NFIA: variants seen among roughly 807,000 people sequenced by gnomAD.
NFIA encodes the protein nuclear factor I A, also known as nuclear factor 1 A-type.
Under a neutral mutation model 62.8 loss-of-function variants are expected in NFIA, and 8 were observed. The observed-to-expected ratio is 0.13, with a 90% confidence interval of 0.07 to 0.23. The LOEUF (loss-of-function observed/expected upper bound fraction) is 0.23. Among genes scored for constraint, NFIA ranks in the 10% least tolerant of loss-of-function variants. The pLI is 1.00. For synonymous variants in NFIA, 235 were observed against 238.1 expected (o/e 0.99, Z 0.12); for missense variants, 410 against 642.1 (o/e 0.64, Z 3.91).
At chr1:61,215,196 G>A (rs1653537624) in intron 2 of NFIA, among the ~76,000 whole-genome samples, 1 of 152,012 alleles carries the variant, frequency 6.6e-6, no homozygotes, top group Non-Finnish European at 1.5e-5. Flanking sequence ...CTTCAATATT[G>A]TCGAACTGCT....
At chr1:61,307,693 C>G (rs1187078118) in intron 3 of NFIA, among the ~76,000 whole-genome samples, 1 of 152,150 alleles carries the variant, frequency 6.6e-6, no homozygotes, top group East Asian at 1.9e-4. Flanking sequence ...TCAGTGCTTC[C>G]CCAGCACAAG....
chr1:61,329,985 C>T (rs1170663033), intron 3 of NFIA, among the ~76,000 whole-genome samples: 1 of 151,964 alleles, frequency 6.6e-6, no homozygotes, highest in Non-Finnish European at 1.5e-5. Context: ...ATCACAGAAG[C>T]GGTGGGGACT....
At chr1:61,398,130 T>C (rs1665374577) in intron 7 of NFIA, among the ~76,000 whole-genome samples, 1 of 152,186 alleles carries the variant, frequency 6.6e-6, no homozygotes, top group Admixed American at 6.5e-5. Flanking sequence ...AAATAAACTT[T>C]TATTGGAACA....
At chr1:61,321,040 T>C (rs765253310) in intron 3 of NFIA, among the ~76,000 whole-genome samples, 13 of 152,224 alleles carry the variant, frequency 8.5e-5, no homozygotes, top group Non-Finnish European at 1.5e-4. Flanking sequence ...AACAATAAGT[T>C]TGCTTTTTAA....
At chr1:61,140,967 T>G (rs7544332) in intron 2 of NFIA, among the ~76,000 whole-genome samples, 5,994 of 28,948 alleles carry the variant, frequency 0.21, 314 homozygotes, top group East Asian at 0.47. Context: ...ACAGCTGGGT[T>G]TTTTTTTTTT....
intron 9 of NFIA, among the ~76,000 whole-genome samples, chr1:61,417,482 T>A (rs57785791): frequency 6.6e-6 from 1 of 151,954 alleles, no homozygotes; most frequent in East Asian, 1.9e-4. Context: ...TCCTTAGACA[T>A]GTATTTTTGT....
chr1:61,406,707 C>G lies in NFIA; in HGVS notation c.1400C>G (p.Ala467Gly), dbSNP rs779146467. Residue 467 changes from alanine to glycine, a missense_variant, in exon 9 of 11, where the codon GCA becomes GGA. By Grantham distance (60) the Ala-to-Gly change is moderately conservative (BLOSUM62 0). Transcript: ENST00000403491. Reference sequence around the variant, plus strand: ...CCAACCACGTCAACAGAAGGAGGTGCAGCCTCCCCCACGTCACCAAGTAAG... The same window carrying G: ...CCAACCACGTCAACAGAAGGAGGTGGAGCCTCCCCCACGTCACCAAGTAAG... ...KPPTTSTEGG[A>G]ASPTSPTYST... 2.5e-6 allele frequency: 4 copies of G among 1,610,656 alleles called. No individual in the cohort carries two copies. Among genetic ancestry groups the G allele is most frequent in the Non-Finnish European group, 3.4e-6 (4 of 1,178,436 alleles).
intron 7 of NFIA, among the ~76,000 whole-genome samples, chr1:61,403,610 T>A (rs1206954169): frequency 6.6e-6 from 1 of 152,162 alleles, no homozygotes; most frequent in Non-Finnish European, 1.5e-5. Flanking sequence ...TACTACATAC[T>A]TCAAAAAATT....
chr1:61,248,377 C>G (rs1302399682), intron 2 of NFIA, among the ~76,000 whole-genome samples: 1 of 152,126 alleles, frequency 6.6e-6, no homozygotes, highest in East Asian at 1.9e-4. Context: ...TTAGACAGTT[C>G]CCTAATATTA....
rs555349017 is a variant in NFIA at position 61,203,308 on chromosome 1, A to G, written c.560-74212A>G. On this transcript the variant is annotated intron_variant, in intron 2 of 10. Coordinates refer to ENST00000403491, the MANE Select transcript of NFIA (RefSeq NM_001134673.4). Reference sequence around the variant, plus strand: ...AGAATCTTTTGAACCTATCAGTAATATTACTAACAGGGAGAAAGTATAAAA... The same window carrying G: ...AGAATCTTTTGAACCTATCAGTAATGTTACTAACAGGGAGAAAGTATAAAA... Among the ~76,000 whole-genome samples the G allele has an allele frequency of 2.0e-5, 3 of 152,274 alleles. No individual in the cohort carries two copies. In the East Asian group the frequency reaches 5.8e-4, roughly 29 times the overall value.
At chr1:61,098,289 T>C (rs1290379649) in intron 2 of NFIA, among the ~76,000 whole-genome samples, 2 of 152,202 alleles carry the variant, frequency 1.3e-5, no homozygotes, top group South Asian at 2.1e-4. Context: ...GAACTAACGA[T>C]AAGTGGGTTA....
At chr1:61,277,407 G>C in intron 2 of NFIA, 113 bp from the exon 3 acceptor site, 1 of 894,352 alleles carries the variant, frequency 1.1e-6, no homozygotes, top group South Asian at 1.6e-5. Flanking sequence ...TGTCATTTCT[G>C]TAATGTTCCC....
intron 2 of NFIA, among the ~76,000 whole-genome samples, chr1:61,095,773 CAA>C (rs112721364): frequency 4.6e-5 from 7 of 152,122 alleles, no homozygotes; most frequent in African/African-American, 1.4e-4. Flanking sequence ...GTTGTTAAGA[CAA>C]AGTTAAACTA....
chr1:61,399,289 G>A lies in NFIA; in HGVS notation c.1076-4815G>A, dbSNP rs138772816. Reference sequence around the variant, plus strand: ...GGAGTGATTATTCGCTCTTGTGAGGGAAGAAGCCTGTATATAACACTGCCT... The same window carrying A: ...GGAGTGATTATTCGCTCTTGTGAGGAAAGAAGCCTGTATATAACACTGCCT... On this transcript the variant is annotated intron_variant, in intron 7 of 10. Transcript: ENST00000403491. Among the ~76,000 whole-genome samples, 360 of 152,312 alleles carry A rather than the reference G, an allele frequency of 2.4e-3. 1 individual carries two copies. Among genetic ancestry groups the A allele is most frequent in the Middle Eastern group, 0.01 (3 of 294 alleles).
At chr1:61,249,108 T>A (rs1287067045) in intron 2 of NFIA, 2 of 152,206 alleles carry the variant, frequency 1.3e-5, no homozygotes, top group African/African-American at 4.8e-5. Flanking sequence ...ATGACATACA[T>A]CCTGAAAGAC....
chr1:61,291,646 G>A (rs1259124745), intron 3 of NFIA, among the ~76,000 whole-genome samples: 2 of 152,176 alleles, frequency 1.3e-5, no homozygotes, highest in African/African-American at 4.8e-5. Context: ...TCTTTCTTGG[G>A]AGAGCTTTGA....
At chr1:61,414,541 G>GT (rs34699827) in intron 9 of NFIA, among the ~76,000 whole-genome samples, 93,318 of 146,624 alleles carry the variant, frequency 0.64, 29,951 homozygotes, top group East Asian at 0.95. Flanking sequence ...TTTTTGTTTT[G>GT]TTTTTTTTTT....
intron 3 of NFIA, among the ~76,000 whole-genome samples, chr1:61,307,237 A>G (rs1659850317): frequency 6.6e-6 from 1 of 152,110 alleles, no homozygotes; most frequent in Non-Finnish European, 1.5e-5. Context: ...GCCTTTTGGG[A>G]GACTAGGTCA....
intron 5 of NFIA, among the ~76,000 whole-genome samples, chr1:61,358,388 T>C (rs1273145371): frequency 1.2e-4 from 16 of 133,114 alleles, no homozygotes; most frequent in African/African-American, 4.4e-4. Flanking sequence ...TCTTTTTTTT[T>C]TTTTTTTTTT....
Sources: allele counts gnomAD v4.1 joint callset (sites outside exome capture counted in the v4.1 genomes callset), GRCh38; gene constraint gnomAD v4.1.1; transcripts MANE v1.5; gene names NCBI Gene and HGNC (gene_info 2026-07-23, HGNC 2026-07-21).